Variants in DIAPH1 observed in about 807,000 individuals in gnomAD.
DIAPH1 encodes the protein diaphanous related formin 1, also known as protein diaphanous homolog 1.
DIAPH1 carries 46 observed loss-of-function variants against 140.7 expected under a neutral mutation model. That is an observed-to-expected ratio of 0.33 (90% CI 0.26 to 0.42). The LOEUF (loss-of-function observed/expected upper bound fraction) is 0.42, where lower values mean the gene tolerates loss of function less well. Among genes scored for constraint, DIAPH1 ranks in the 10% least tolerant of loss-of-function variants. The pLI is 1.00. For missense variants in DIAPH1, 1,310 were observed against 1,558.7 expected (o/e 0.84, Z 2.69); for synonymous variants, 565 against 551.6 (o/e 1.02, Z -0.34).
chr5:141,521,875 A>G (rs903615134), intron 27 of DIAPH1, among the ~76,000 whole-genome samples: 1 of 152,202 alleles, frequency 6.6e-6, no homozygotes, highest in African/African-American at 2.4e-5. Flanking sequence ...CAAAAAAAAT[A>G]TTAGAGCTGG....
rs1280130301 is a variant in DIAPH1 at position 141,565,491 on chromosome 5, A to G, written c.2482+5937T>C. Among the ~76,000 whole-genome samples, 1 of 152,222 alleles carries G rather than the reference A, an allele frequency of 6.6e-6. No individual in the cohort carries two copies. The highest frequency in any genetic ancestry group is 1.9e-4 in the East Asian group (1 of 5,200). On this transcript the variant is annotated intron_variant, in intron 18 of 27. Transcript: ENST00000389054. The surrounding 1 kb of genome is among the most constrained non-coding windows in gnomAD (Gnocchi z 4.3). Reference sequence around the variant, plus strand: ...ACATATTTGTTAAAATGATGATAACAAATTAGTCCAGGAACTGGCTTTAGA... The same window carrying G: ...ACATATTTGTTAAAATGATGATAACGAATTAGTCCAGGAACTGGCTTTAGA...
At position 141,573,651 on chromosome 5, in the gene DIAPH1, G is replaced by A. The variant is rs368848606; in HGVS notation, c.2199C>T (p.Pro733=). Residue 733 remains proline, a synonymous_variant, in exon 16 of 28, where the codon CCC becomes CCT. Transcript: ENST00000389054. ...GAGGTGGAGGAATGCCAGGGCCTCC[G>A]GGAAATGGAGGAGGTGGAGGGATTC... The part of the protein sequence containing the change: ...GPGIPPPPPF[P]GGPGIPPPPP... The A allele has an allele frequency of 8.1e-5, 131 of 1,612,556 alleles. No individual in the cohort carries two copies. The highest frequency in any genetic ancestry group is 1.2e-4 in the Admixed American group (7 of 59,844).
chr5:141,572,742 T>C (rs1388193527), intron 16 of DIAPH1, among the ~76,000 whole-genome samples: 10 of 144,016 alleles, frequency 6.9e-5, no homozygotes. Context: ...CACTCCAGCC[T>C]GGGCAACAGA....
At chr5:141,569,807 G>A (rs963923153) in intron 18 of DIAPH1, among the ~76,000 whole-genome samples, 3 of 151,990 alleles carry the variant, frequency 2.0e-5, no homozygotes, top group Non-Finnish European at 4.4e-5. Flanking sequence ...TAAGGATGAA[G>A]ATCTTTTTCT....
chr5:141,594,829 T>C (rs2099899052), intron 1 of DIAPH1, among the ~76,000 whole-genome samples: 1 of 150,070 alleles, frequency 6.7e-6, no homozygotes. Flanking sequence ...TTCCCTGAGG[T>C]CAGGAGTTTG....
intron 14 of DIAPH1, 117 bp from the exon 15 acceptor site, chr5:141,575,263 C>T: frequency 3.0e-6 from 3 of 987,494 alleles, no homozygotes; most frequent in South Asian, 1.3e-5. Context: ...GGAATCCCCC[C>T]ACTGCCTCCT....
intron 15 of DIAPH1, 138 bp from the exon 16 acceptor site, chr5:141,574,346 T>G (rs1322303763): frequency 8.1e-6 from 7 of 859,882 alleles, no homozygotes; most frequent in Non-Finnish European, 1.3e-5. Flanking sequence ...AGAGATGACA[T>G]GATCACCTAA....
intron 3 of DIAPH1, among the ~76,000 whole-genome samples, chr5:141,585,769 T>C (rs565273144): frequency 1.4e-4 from 21 of 152,010 alleles, no homozygotes; most frequent in Non-Finnish European, 2.8e-4. Flanking sequence ...GACAGAGCAA[T>C]ACTCCATCTC....
intron 18 of DIAPH1, among the ~76,000 whole-genome samples, chr5:141,554,011 G>C (rs533803923): frequency 6.6e-6 from 1 of 152,312 alleles, no homozygotes; most frequent in Admixed American, 6.5e-5. Context: ...GGGCGCGGTG[G>C]CTCATGCCTG....
intron 11 of DIAPH1, 44 bp from the exon 12 acceptor site, chr5:141,577,635 T>G: frequency 7.9e-7 from 1 of 1,266,038 alleles, no homozygotes; most frequent in Non-Finnish European, 1.2e-6. Flanking sequence ...ATGCAGAAAT[T>G]ATGTTTGACA....
At chr5:141,543,370 T>G (rs988096439) in intron 18 of DIAPH1, among the ~76,000 whole-genome samples, 7 of 152,168 alleles carry the variant, frequency 4.6e-5, no homozygotes, top group Non-Finnish European at 8.8e-5. Flanking sequence ...GAATGGGAAG[T>G]AGGAAGTGGC....
intron 3 of DIAPH1, among the ~76,000 whole-genome samples, chr5:141,584,922 A>C (rs1397481357): frequency 6.6e-6 from 1 of 151,962 alleles, no homozygotes; most frequent in Non-Finnish European, 1.5e-5. Context: ...GCAAGCAGCA[A>C]AATTAATCTG....
Position 141,525,753 on chromosome 5 carries a change from G to A in DIAPH1, c.3574+285C>T, listed in dbSNP as rs941992162. 2.7e-4 allele frequency among the ~76,000 whole-genome samples: 41 copies of A among 152,186 alleles called. 1 individual carries two copies. The highest frequency in any genetic ancestry group is 2.7e-3 in the Admixed American group (41 of 15,272). On this transcript the variant is annotated intron_variant, in intron 26 of 27. Transcript: ENST00000389054. ...GGCCAGAGGAACCTTTGGATGGACA[G>A]AAGGAAAACAGTATATATCACAGCA...
chr5:141,537,149 C>G (rs751289767), intron 18 of DIAPH1, among the ~76,000 whole-genome samples: 21 of 152,008 alleles, frequency 1.4e-4, no homozygotes, highest in Middle Eastern at 3.4e-3. Context: ...GCCTGGATGA[C>G]AGAGAGAGTC....
intron 1 of DIAPH1, among the ~76,000 whole-genome samples, chr5:141,596,429 C>G (rs546227498): frequency 6.6e-6 from 1 of 152,144 alleles, no homozygotes; most frequent in Admixed American, 6.5e-5. Flanking sequence ...GCTGAGCCCC[C>G]AGAGGTTGCA....
intron 18 of DIAPH1, among the ~76,000 whole-genome samples, chr5:141,553,842 T>C (rs956286689): frequency 3.9e-5 from 6 of 152,228 alleles, no homozygotes; most frequent in African/African-American, 1.4e-4. Context: ...CCAACAGTTT[T>C]GGCTTAAAAC....
chr5:141,525,280 C>A (rs1482030864), intron 26 of DIAPH1, among the ~76,000 whole-genome samples: 1 of 152,136 alleles, frequency 6.6e-6, no homozygotes, highest in Non-Finnish European at 1.5e-5. Flanking sequence ...CTGTGAACAC[C>A]TCTTCATTTG....
intron 18 of DIAPH1, among the ~76,000 whole-genome samples, chr5:141,535,701 A>C (rs996149596): frequency 6.6e-6 from 1 of 152,222 alleles, no homozygotes; most frequent in African/African-American, 2.4e-5. Flanking sequence ...TACATAGGAA[A>C]AAACCAAGTA....
chr5:141,602,277 C>T (rs575697507), intron 1 of DIAPH1, among the ~76,000 whole-genome samples: 113 of 152,184 alleles, frequency 7.4e-4, no homozygotes, highest in African/African-American at 2.6e-3. Context: ...AGTGCAGTGG[C>T]GCAATCTTGG....
Sources: allele counts gnomAD v4.1 joint callset (sites outside exome capture counted in the v4.1 genomes callset), GRCh38; gene constraint gnomAD v4.1.1; non-coding constraint Gnocchi (gnomAD v3.1); transcripts MANE v1.5; gene names NCBI Gene and HGNC (gene_info 2026-07-23, HGNC 2026-07-21).